Variants in CCSER1 observed in about 807,000 individuals in gnomAD.
CCSER1 encodes the protein coiled-coil serine rich protein 1.
A neutral mutation model predicts 82.0 loss-of-function variants in CCSER1; 41 were observed. That is an observed-to-expected ratio of 0.50 (90% CI 0.39 to 0.65). CCSER1 has a LOEUF of 0.65. CCSER1 is among the 30% of genes least tolerant of loss of function. The pLI is 0.00. For synonymous variants in CCSER1, 414 were observed against 383.9 expected, an observed-to-expected ratio of 1.08 and a Z score of -0.92; for missense variants, 1,119 against 1,064.2, an observed-to-expected ratio of 1.05 and a Z score of -0.72.
intron 10 of CCSER1, among the ~76,000 whole-genome samples, chr4:91,246,888 A>G (rs1739830588): frequency 6.6e-6 from 1 of 151,916 alleles, no homozygotes; most frequent in Non-Finnish European, 1.5e-5. Flanking sequence ...AAGAGACTCA[A>G]CAATATTTGC....
intron 5 of CCSER1, among the ~76,000 whole-genome samples, chr4:90,546,760 A>G (rs888250994): frequency 4.6e-5 from 7 of 152,136 alleles, no homozygotes; most frequent in African/African-American, 1.7e-4. Flanking sequence ...TCCCCTAAAT[A>G]TGAGAATCAT....
rs141753550 is a variant in CCSER1 at position 91,045,802 on chromosome 4, G to A, written c.2173-40148G>A. ...TGGGGTATAATTTTCACATGCATCC[G>A]TGTGAAGAGACCACCAAACAGGCTT... On this transcript the variant is annotated intron_variant, in intron 9 of 10. Transcript: ENST00000509176. Among the ~76,000 whole-genome samples, 1,307 of 152,014 alleles carry A rather than the reference G, an allele frequency of 8.6e-3. 18 individuals carry two copies. The highest frequency in any genetic ancestry group is 0.03 in the African/African-American group (1,257 of 41,436).
At chr4:91,197,255 A>G (rs968605474) in intron 10 of CCSER1, among the ~76,000 whole-genome samples, 2 of 152,142 alleles carry the variant, frequency 1.3e-5, no homozygotes, top group African/African-American at 2.4e-5. Flanking sequence ...CTCCCCATAT[A>G]AGGCTTTTCT....
At chr4:91,465,397 A>G (rs1008607412) in intron 10 of CCSER1, among the ~76,000 whole-genome samples, 2 of 152,216 alleles carry the variant, frequency 1.3e-5, no homozygotes, top group Non-Finnish European at 2.9e-5. Context: ...CCCACAAGAG[A>G]AAGCAGGAGG....
At chr4:90,646,041 T>C (rs1256795653) in intron 6 of CCSER1, among the ~76,000 whole-genome samples, 1 of 152,106 alleles carries the variant, frequency 6.6e-6, no homozygotes, top group African/African-American at 2.4e-5. Flanking sequence ...CTAGAAACCC[T>C]CAGAAGAGGA....
At chr4:90,290,541 A>T (rs774095142) in intron 1 of CCSER1, among the ~76,000 whole-genome samples, 26 of 151,858 alleles carry the variant, frequency 1.7e-4, no homozygotes, top group Non-Finnish European at 2.8e-4. Context: ...ATGTTCTCAG[A>T]TCCTACATAA....
intron 5 of CCSER1, among the ~76,000 whole-genome samples, chr4:90,501,019 G>A (rs568280283): frequency 2.0e-5 from 3 of 152,026 alleles, no homozygotes; most frequent in Non-Finnish European, 2.9e-5. Flanking sequence ...GAGCAAACAA[G>A]TATAGTCTAA....
chr4:90,570,441 T>G (rs1779964995), intron 5 of CCSER1, among the ~76,000 whole-genome samples: 2 of 152,028 alleles, frequency 1.3e-5, no homozygotes, highest in South Asian at 4.1e-4. Flanking sequence ...CTACCCTGCC[T>G]AAGGATGCTC....
chr4:91,011,937 T>C (rs1215402029), intron 9 of CCSER1, among the ~76,000 whole-genome samples: 2 of 135,024 alleles, frequency 1.5e-5, no homozygotes, highest in African/African-American at 4.9e-5. Flanking sequence ...TGGGTGTTTC[T>C]GCAGCTTAGA....
At chr4:90,704,548 G>A (rs1738896651) in intron 6 of CCSER1, among the ~76,000 whole-genome samples, 1 of 152,130 alleles carries the variant, frequency 6.6e-6, no homozygotes, top group Non-Finnish European at 1.5e-5. Context: ...AAGTTCTCTT[G>A]GATAATATCC....
At chr4:90,749,109 G>A (rs2149475065) in intron 7 of CCSER1, among the ~76,000 whole-genome samples, 1 of 151,984 alleles carries the variant, frequency 6.6e-6, no homozygotes, top group African/African-American at 2.4e-5. Flanking sequence ...TGAAGTCCTT[G>A]CGCATGCCTA....
At chr4:90,532,917 G>A (rs402035) in intron 5 of CCSER1, among the ~76,000 whole-genome samples, 1 of 151,890 alleles carries the variant, frequency 6.6e-6, no homozygotes. Flanking sequence ...GGTCACTTTA[G>A]ATTGTACTCC....
At chr4:90,703,287 G>T (rs1298287674) in intron 6 of CCSER1, among the ~76,000 whole-genome samples, 1 of 152,184 alleles carries the variant, frequency 6.6e-6, no homozygotes, top group African/African-American at 2.4e-5. Flanking sequence ...GAAGTTTTGA[G>T]TGACTTTCTT....
At chr4:90,611,608 G>C (rs1195507654) in intron 5 of CCSER1, among the ~76,000 whole-genome samples, 21 of 149,282 alleles carry the variant, frequency 1.4e-4, no homozygotes, top group Admixed American at 1.4e-3. Context: ...TTTTATTTTT[G>C]TGTGTATTAA....
At chr4:90,329,598 GT>G (rs1738903238) in intron 3 of CCSER1, among the ~76,000 whole-genome samples, 1 of 152,044 alleles carries the variant, frequency 6.6e-6, no homozygotes, top group Non-Finnish European at 1.5e-5. Context: ...TAAGGGTAAT[GT>G]GCTATTTACT....
At chr4:90,578,650 C>T (rs924120025) in intron 5 of CCSER1, among the ~76,000 whole-genome samples, 3 of 152,110 alleles carry the variant, frequency 2.0e-5, no homozygotes, top group Non-Finnish European at 4.4e-5. Flanking sequence ...TGATTGCCAA[C>T]GTTAATTGTA....
At chr4:91,102,318 G>C (rs565586264) in intron 10 of CCSER1, among the ~76,000 whole-genome samples, 2 of 152,282 alleles carry the variant, frequency 1.3e-5, no homozygotes, top group East Asian at 3.9e-4. Context: ...GTTAAAGAGA[G>C]GTATTGCAAG....
intron 1 of CCSER1, among the ~76,000 whole-genome samples, chr4:90,155,508 C>T (rs1389219321): frequency 1.3e-5 from 2 of 152,130 alleles, no homozygotes; most frequent in Non-Finnish European, 2.9e-5. Flanking sequence ...CCATCTGGTC[C>T]TGGACTCTTT....
chr4:90,972,646 G>T (rs542489069), intron 9 of CCSER1, among the ~76,000 whole-genome samples: 3 of 151,534 alleles, frequency 2.0e-5, no homozygotes, highest in South Asian at 2.1e-4. Context: ...CTTATTTTTT[G>T]CAGAAACAGA....
Sources: gnomAD v4.1 joint callset for allele counts (sites outside exome capture counted in the v4.1 genomes callset) on GRCh38, gnomAD v4.1.1 for gene constraint, MANE v1.5 for transcripts, NCBI Gene and HGNC (gene_info 2026-07-23, HGNC 2026-07-21) for gene names.